Variants in DPPA5 observed in about 807,000 individuals in gnomAD.
DPPA5 encodes developmental pluripotency associated 5.
DPPA5 carries 11 observed loss-of-function variants against 11.3 expected under a neutral mutation model. The observed-to-expected ratio is 0.97, with a 90% confidence interval of 0.61 to 1.61. The LOEUF is 1.61. DPPA5 is among the 40% of genes most tolerant of loss of function. The pLI, the probability that DPPA5 is intolerant of heterozygous loss-of-function variation, is 0.00. For synonymous variants in DPPA5, 53 were observed against 59.2 expected, an observed-to-expected ratio of 0.90 and a Z score of 0.48; for missense variants, 132 against 151.8, an observed-to-expected ratio of 0.87 and a Z score of 0.68.
In DPPA5 at chr6:73,353,352, T is replaced by C. The variant is rs202225803; in HGVS notation, c.319A>G (p.Asn107Asp). 1 of 1,614,122 alleles carries C rather than the reference T, an allele frequency of 6.2e-7. No individual in the cohort carries two copies. The highest frequency in any genetic ancestry group is 8.5e-7 in the Non-Finnish European group (1 of 1,180,000). Reference protein sequence around the residue: ...RGMLKLAEAMNALELGPWMK With the variant: ...RGMLKLAEAMDALELGPWMK The stretch of plus-strand genomic sequence containing the variant: ...ATCCAAGGGCCTAGTTCGAGGGCAT[T>C]CATGGCTTCGGCAAGTTTGAGCATC... Residue 107 changes from asparagine to aspartate, a missense_variant, in exon 3 of 3, where the codon AAT becomes GAT. Transcript: ENST00000370370.
At chr6:73,353,421 T>C (rs374958598) in intron 2 of DPPA5, 43 bp from the exon 3 acceptor site, 23 of 1,612,044 alleles carry the variant, frequency 1.4e-5, no homozygotes, top group Non-Finnish European at 1.9e-5. Context: ...TGGGGGAAAA[T>C]AGTAAGCGCC....
chr6:73,353,258 T>G lies in DPPA5; in HGVS notation c.*62A>C. The G allele has an allele frequency of 6.3e-7, 1 of 1,598,816 alleles. No homozygotes were observed. Among genetic ancestry groups the G allele is most frequent in the South Asian group, 1.1e-5 (1 of 90,738 alleles). On this transcript the variant is annotated 3_prime_UTR_variant, in exon 3 of 3. Coordinates refer to ENST00000370370, the MANE Select transcript of DPPA5 (RefSeq NM_001025290.3). ...TTTTAAAACAAGCTTAAGGAATCAC[T>G]CTAGCTCTGGCCACAACCTAATCTC...
chr6:73,354,249 C>A lies in DPPA5; in HGVS notation c.-24G>T. ...ATCTTATGACCCTCACAACCAAGAC[C>A]ACTCTCCAGCGCAAACCAGGCCTAA... On this transcript the variant is annotated 5_prime_UTR_variant, in exon 1 of 3. Transcript: ENST00000370370. The A allele has an allele frequency of 6.2e-7, 1 of 1,611,500 alleles. No individual in the cohort carries two copies. The highest frequency in any genetic ancestry group is 8.5e-7 in the Non-Finnish European group (1 of 1,178,244).
Position 73,353,975 on chromosome 6 carries a change from A to C in DPPA5, c.170T>G (p.Leu57Arg). The change falls in exon 2 of 3, where the codon CTG (leucine) becomes CGG (arginine). Residue 57 changes from leucine to arginine, a missense_variant. Transcript: ENST00000370370. ...IEQVSKAMLE[L>R]KALESSDLTE... ...GAGGTCTGAAGACTCCAGAGCCTTC[A>C]GCTCGAGCATGGCCTTGCTCACCTG... 2 of 1,614,190 alleles carry C rather than the reference A, an allele frequency of 1.2e-6. No homozygotes were observed. The highest frequency in any genetic ancestry group is 1.7e-6 in the Non-Finnish European group (2 of 1,180,026).
At chr6:73,353,827 G>A in intron 2 of DPPA5, 26 bp downstream of exon 2, 3 of 1,610,628 alleles carry the variant, frequency 1.9e-6, no homozygotes, top group Non-Finnish European at 1.7e-6. Flanking sequence ...CCTGTGTTCC[G>A]CGTACCCAGT....
rs756278935 is a variant in DPPA5 at position 73,353,841 on chromosome 6, T to C, written c.292+12A>G. On this transcript the variant is annotated intron_variant, in intron 2 of 2. Transcript: ENST00000370370. Reference sequence around the variant, plus strand: ...GCCTGTGTTCCGCGTACCCAGTCTCTGGGCCTCTCACCTCGCTCCTGGCGC... The same window carrying C: ...GCCTGTGTTCCGCGTACCCAGTCTCCGGGCCTCTCACCTCGCTCCTGGCGC... 4.3e-6 allele frequency: 7 copies of C among 1,612,604 alleles called. No homozygotes were observed. Among genetic ancestry groups the C allele is most frequent in the South Asian group, 2.2e-5 (2 of 90,994 alleles).
In DPPA5 at chr6:73,353,381, G is replaced by A. The variant is rs1768718885; in HGVS notation, c.293-3C>T. ...GGCTTCGGCAAGTTTGAGCATCCCT[G>A]CACCAGAAATAGCAACAGCGGCGTG... is the stretch of plus-strand genomic sequence containing the variant. On this transcript the variant is annotated splice_polypyrimidine_tract_variant and splice_region_variant and intron_variant, in intron 2 of 2. Transcript: ENST00000370370. 1.2e-6 allele frequency: 2 copies of A among 1,614,068 alleles called. No individual in the cohort carries two copies. Among genetic ancestry groups the A allele is most frequent in the Non-Finnish European group, 1.7e-6 (2 of 1,179,978 alleles).
chr6:73,354,259 C>G lies in DPPA5; in HGVS notation c.-34G>C. On this transcript the variant is annotated 5_prime_UTR_variant, in exon 1 of 3. Transcript: ENST00000370370. ...CCTCACAACCAAGACCACTCTCCAGCGCAAACCAGGCCTAATCACGCCGGC... is the reference window on the plus strand; with the variant it reads ...CCTCACAACCAAGACCACTCTCCAGGGCAAACCAGGCCTAATCACGCCGGC... The G allele has an allele frequency of 6.2e-7, 1 of 1,607,230 alleles. No individual in the cohort carries two copies.
chr6:73,353,741 C>T (rs2150772948), intron 2 of DPPA5, 112 bp downstream of exon 2: 2 of 1,394,704 alleles, frequency 1.4e-6, no homozygotes, highest in East Asian at 5.0e-5. Context: ...CCTGGTGACG[C>T]CCAAGGTGCT....
At chr6:73,354,064 C>T in intron 1 of DPPA5, 32 bp from the exon 2 acceptor site, 2 of 1,613,794 alleles carry the variant, frequency 1.2e-6, no homozygotes, top group Non-Finnish European at 1.7e-6. Flanking sequence ...ATCCCCGGGC[C>T]GGCTGAGACT....
intron 2 of DPPA5, 37 bp downstream of exon 2, chr6:73,353,816 G>A: frequency 6.2e-7 from 1 of 1,605,412 alleles, no homozygotes; most frequent in Non-Finnish European, 8.5e-7. Flanking sequence ...GCCCCCGCGA[G>A]CCTGTGTTCC....
Position 73,353,816 on chromosome 6 carries a change from G to T in DPPA5, c.292+37C>A, listed in dbSNP as rs993988701. 21 of 1,605,412 alleles carry T rather than the reference G, an allele frequency of 1.3e-5. No homozygotes were observed. In the East Asian group the frequency reaches 4.5e-4, roughly 34 times the overall value. ...GAGAGGCGCGAAGCGGCCCCCGCGA[G>T]CCTGTGTTCCGCGTACCCAGTCTCT... On this transcript the variant is annotated intron_variant, in intron 2 of 2. Coordinates refer to ENST00000370370, the MANE Select transcript of DPPA5 (RefSeq NM_001025290.3).
At position 73,353,261 on chromosome 6, in the gene DPPA5, A is replaced by G; in HGVS notation, c.*59T>C. 1 of 1,599,572 alleles carries G rather than the reference A, an allele frequency of 6.3e-7. No homozygotes were observed. The highest frequency in any genetic ancestry group is 8.6e-7 in the Non-Finnish European group (1 of 1,166,872). On this transcript the variant is annotated 3_prime_UTR_variant, in exon 3 of 3. Transcript: ENST00000370370. ...TAAAACAAGCTTAAGGAATCACTCT[A>G]GCTCTGGCCACAACCTAATCTCTGC...
chr6:73,353,892 G>A lies in DPPA5; in HGVS notation c.253C>T (p.Gln85Ter), dbSNP rs372341276. The change falls in exon 2 of 3, where the codon CAG becomes TAG. Residue 85 changes from glutamine (Q) to a stop codon, truncating the protein, a stop_gained. Transcript: ENST00000370370. LOFTEE classifies it low-confidence loss of function (END_TRUNC). ...LYKLRTKWML[Q>*]SMAEWHRQRQ... ...TGGCGGTGCCACTCAGCCATGGACT[G>A]GAGCATCCACTTGGTCCGGAGCTTG... The A allele has an allele frequency of 3.5e-5, 56 of 1,614,006 alleles. No individual in the cohort carries two copies. Among genetic ancestry groups the A allele is most frequent in the African/African-American group, 1.7e-4 (13 of 75,080 alleles).
At position 73,354,232 on chromosome 6, in the gene DPPA5, A is replaced by G; in HGVS notation, c.-7T>C. 7 of 1,613,436 alleles carry G rather than the reference A, an allele frequency of 4.3e-6. No homozygotes were observed. The highest frequency in any genetic ancestry group is 5.9e-6 in the Non-Finnish European group (7 of 1,179,698). ...GTGCCGGGAGAGTTCCCATCTTATG[A>G]CCCTCACAACCAAGACCACTCTCCA... On this transcript the variant is annotated 5_prime_UTR_variant, in exon 1 of 3. Coordinates refer to ENST00000370370, the MANE Select transcript of DPPA5 (RefSeq NM_001025290.3).
chr6:73,353,476 G>T, intron 2 of DPPA5, 98 bp from the exon 3 acceptor site: 1 of 1,449,966 alleles, frequency 6.9e-7, no homozygotes. Flanking sequence ...TGGGACTTCT[G>T]ATCCAGGCGT....
rs760006046 is a variant in DPPA5, at chr6:73,353,920, C to T, written c.225G>A (p.Leu75=). ...GCATCCACTTGGTCCGGAGCTTGTA[C>T]AAATAGGAGCCGTAAACCACGACCT... ...LTEVVVYGSY[L]YKLRTKWMLQ... The change falls in exon 2 of 3, where the codon TTG becomes TTA. Residue 75 remains leucine, a synonymous_variant. Coordinates refer to ENST00000370370, the MANE Select transcript of DPPA5 (RefSeq NM_001025290.3). 4 of 1,614,156 alleles carry T rather than the reference C, an allele frequency of 2.5e-6. No individual in the cohort carries two copies. The highest frequency in any genetic ancestry group is 4.5e-5 in the East Asian group (2 of 44,872).
Position 73,353,964 on chromosome 6 carries a change from C to T in DPPA5, c.181G>A (p.Glu61Lys). ...ACGACCTCGGTGAGGTCTGAAGACT[C>T]CAGAGCCTTCAGCTCGAGCATGGCC... Reference protein sequence around the residue: ...SKAMLELKALESSDLTEVVVY... With the variant: ...SKAMLELKALKSSDLTEVVVY... The change falls in exon 2 of 3, where the codon GAG becomes AAG. Residue 61 changes from glutamate (E) to lysine (K), a missense_variant. Physicochemically the swap from Glu to Lys is moderately conservative, Grantham distance 56. Coordinates refer to ENST00000370370, the MANE Select transcript of DPPA5 (RefSeq NM_001025290.3). 6.2e-7 allele frequency: 1 copy of T among 1,614,176 alleles called. No individual in the cohort carries two copies. Among genetic ancestry groups the T allele is most frequent in the Non-Finnish European group, 8.5e-7 (1 of 1,180,032 alleles).
In DPPA5 at chr6:73,353,207, C is replaced by T; in HGVS notation, c.*113G>A. ...ACTCTTTAAGGGAACAAATGGTTTTCCCTTAACTCTTTAGGCTGGAGCAGA... is the reference window on the plus strand; with the variant it reads ...ACTCTTTAAGGGAACAAATGGTTTTTCCTTAACTCTTTAGGCTGGAGCAGA... On this transcript the variant is annotated 3_prime_UTR_variant, in exon 3 of 3. Transcript: ENST00000370370. The T allele has an allele frequency of 7.6e-7, 1 of 1,316,388 alleles. No individual in the cohort carries two copies. Among genetic ancestry groups the T allele is most frequent in the Non-Finnish European group, 1.1e-6 (1 of 919,430 alleles). The allele number at this position is 1,316,388 out of a possible 1,614,324, so 81.5% of individuals were successfully genotyped here. A position where few individuals can be genotyped will look rare whatever the true frequency, so the allele number is the denominator to read the frequency against.
Sources: allele counts gnomAD v4.1 joint callset, GRCh38; gene constraint gnomAD v4.1.1; transcripts MANE v1.5; gene names NCBI Gene and HGNC (gene_info 2026-07-23, HGNC 2026-07-21).